DGKB: variants seen among roughly 807,000 people sequenced by gnomAD.
The protein encoded by DGKB is 90 kDa diacylglycerol kinase.
Under a neutral mutation model 114.3 loss-of-function variants are expected in DGKB, and 67 were observed. The observed-to-expected ratio is 0.59, with a 90% confidence interval of 0.48 to 0.72. The LOEUF (loss-of-function observed/expected upper bound fraction) is 0.72, where lower values mean the gene tolerates loss of function less well. Among genes scored for constraint, DGKB ranks in the 30% least tolerant of loss-of-function variants. DGKB has a pLI of 0.00. For missense variants in DGKB, 907 were observed against 975.2 expected (o/e 0.93, Z 0.93); for synonymous variants, 398 against 323.1 (o/e 1.23, Z -2.49).
intron 23 of DGKB, among the ~76,000 whole-genome samples, chr7:14,260,344 T>G (rs992226245): frequency 6.6e-6 from 1 of 152,206 alleles, no homozygotes; most frequent in South Asian, 2.1e-4. Flanking sequence ...AATTTGGATT[T>G]TCCCAGGTGA....
chr7:14,792,382 G>C (rs983801647), intron 2 of DGKB, among the ~76,000 whole-genome samples: 1 of 152,116 alleles, frequency 6.6e-6, no homozygotes, highest in Non-Finnish European at 1.5e-5. Flanking sequence ...TCAGGTAATA[G>C]AAGTAGAAAG....
chr7:14,233,072 CA>C (rs1191452102), intron 23 of DGKB, among the ~76,000 whole-genome samples: 2 of 151,922 alleles, frequency 1.3e-5, no homozygotes, highest in Admixed American at 6.6e-5. Flanking sequence ...TGAATGGTTG[CA>C]AAAAGAGAGT....
chr7:14,643,884 A>C (rs1372879029), intron 13 of DGKB, among the ~76,000 whole-genome samples: 1 of 152,188 alleles, frequency 6.6e-6, no homozygotes. Flanking sequence ...AGCCCAAAAA[A>C]CTGACCTCTC....
intron 15 of DGKB, among the ~76,000 whole-genome samples, chr7:14,619,065 T>C (rs1807109433): frequency 6.6e-6 from 1 of 151,568 alleles, no homozygotes; most frequent in Non-Finnish European, 1.5e-5. Flanking sequence ...TCCAAAACTA[T>C]GTGGCTATAT....
At chr7:14,546,924 G>C (rs773867086) in intron 20 of DGKB, among the ~76,000 whole-genome samples, 1 of 152,034 alleles carries the variant, frequency 6.6e-6, no homozygotes, top group African/African-American at 2.4e-5. Context: ...TTTTCTTTCT[G>C]TACTTAGTCT....
chr7:14,431,860 C>T (rs1828500689), intron 21 of DGKB, among the ~76,000 whole-genome samples: 1 of 151,824 alleles, frequency 6.6e-6, no homozygotes, highest in Non-Finnish European at 1.5e-5. Flanking sequence ...ATGGGAAAGC[C>T]ACATGGATTT....
chr7:14,644,122 A>C (rs1016304232), intron 13 of DGKB, among the ~76,000 whole-genome samples: 1 of 152,042 alleles, frequency 6.6e-6, no homozygotes, highest in African/African-American at 2.4e-5. Flanking sequence ...CAGGCAAAAA[A>C]AAAAAAAATC....
At chr7:14,731,183 G>A (rs1475289822) in intron 5 of DGKB, among the ~76,000 whole-genome samples, 2 of 152,162 alleles carry the variant, frequency 1.3e-5, no homozygotes, top group Non-Finnish European at 2.9e-5. Context: ...CACCAAAATA[G>A]AAGGTAGGAA....
At chr7:14,316,040 A>G (rs1644890661) in intron 23 of DGKB, among the ~76,000 whole-genome samples, 1 of 150,774 alleles carries the variant, frequency 6.6e-6, no homozygotes, top group African/African-American at 2.5e-5. Flanking sequence ...ACTGTTGGGT[A>G]CATAACGAAA....
At chr7:14,407,181 T>C (rs1335903987) in intron 21 of DGKB, among the ~76,000 whole-genome samples, 2 of 152,074 alleles carry the variant, frequency 1.3e-5, no homozygotes, top group African/African-American at 4.8e-5. Flanking sequence ...GAAGTGATAG[T>C]TCTAGTTCAA....
At chr7:14,835,746 T>C (rs1284632034) in intron 2 of DGKB, among the ~76,000 whole-genome samples, 4 of 152,202 alleles carry the variant, frequency 2.6e-5, no homozygotes, top group South Asian at 2.1e-4. Context: ...TCCTGGATTC[T>C]AGCTTTTCCT....
At chr7:14,820,924 T>C (rs556941145) in intron 2 of DGKB, among the ~76,000 whole-genome samples, 2 of 152,122 alleles carry the variant, frequency 1.3e-5, no homozygotes, top group Non-Finnish European at 2.9e-5. Flanking sequence ...AATTTCATAG[T>C]TATTATCTTA....
chr7:14,192,890 GATC>G (rs1363637957), intron 23 of DGKB, among the ~76,000 whole-genome samples: 2 of 151,616 alleles, frequency 1.3e-5, no homozygotes, highest in African/African-American at 4.8e-5. Flanking sequence ...AACACTGACA[GATC>G]ATCAGGTGTT....
chr7:14,951,273 C>A (rs569269361), intron 1 of DGKB, among the ~76,000 whole-genome samples: 2 of 151,894 alleles, frequency 1.3e-5, no homozygotes, highest in Admixed American at 1.3e-4. Context: ...TTCATAATTG[C>A]CAAAACTTAG....
At chr7:14,372,011 C>G (rs1005657689) in intron 21 of DGKB, among the ~76,000 whole-genome samples, 1 of 152,156 alleles carries the variant, frequency 6.6e-6, no homozygotes, top group African/African-American at 2.4e-5. Flanking sequence ...TGGCCTCCTG[C>G]TCTTGGTCCC....
chr7:14,831,338 T>C (rs1846384132), intron 2 of DGKB, among the ~76,000 whole-genome samples: 1 of 151,962 alleles, frequency 6.6e-6, no homozygotes, highest in South Asian at 2.1e-4. Flanking sequence ...ATTCTCAATG[T>C]TTCCTTCATG....
intron 21 of DGKB, among the ~76,000 whole-genome samples, chr7:14,400,201 G>C (rs1270566340): frequency 6.6e-6 from 1 of 151,742 alleles, no homozygotes; most frequent in Non-Finnish European, 1.5e-5. Context: ...GTGACTCTCA[G>C]TAATGCCAAA....
intron 15 of DGKB, 58 bp from the exon 16 acceptor site, chr7:14,613,471 C>T (rs960094542): frequency 1.0e-5 from 9 of 858,094 alleles, no homozygotes; most frequent in Non-Finnish European, 1.5e-5. Flanking sequence ...ATGAAGAAGA[C>T]TCCTTGTTAT....
chr7:14,560,352 A>G (rs1021093559), intron 20 of DGKB, among the ~76,000 whole-genome samples: 1 of 152,162 alleles, frequency 6.6e-6, no homozygotes, highest in African/African-American at 2.4e-5. Context: ...CCGTTGATTA[A>G]TAATTTTCCA....
Sources: allele counts gnomAD v4.1 joint callset (sites outside exome capture counted in the v4.1 genomes callset), GRCh38; gene constraint gnomAD v4.1.1; transcripts MANE v1.5; gene names NCBI Gene and HGNC (gene_info 2026-07-23, HGNC 2026-07-21).